The following NT5DC1 variants were observed in gnomAD, a reference collection of about 807,000 sequenced individuals.
NT5DC1 encodes the protein 5'-nucleotidase domain-containing protein 1.
A neutral mutation model predicts 59.4 loss-of-function variants in NT5DC1; 42 were observed. The ratio of observed to expected loss-of-function variants is 0.71; its 90% CI spans 0.55 to 0.92. The LOEUF (loss-of-function observed/expected upper bound fraction) is 0.92. Among genes scored for constraint, NT5DC1 ranks in the 40% least tolerant of loss-of-function variants. The probability of loss-of-function intolerance (pLI) is 0.00; values close to 1 mark genes in which losing one functional copy is unlikely to be tolerated. For missense variants in NT5DC1, 501 were observed against 537.1 expected (o/e 0.93, Z 0.66); for synonymous variants, 172 against 188.1 (o/e 0.91, Z 0.70).
intron 6 of NT5DC1, among the ~76,000 whole-genome samples, chr6:116,176,031 C>T (rs997294094): frequency 1.3e-5 from 2 of 152,146 alleles, no homozygotes; most frequent in East Asian, 1.9e-4. Flanking sequence ...ACATTAGGCA[C>T]TGAGGCAAAC....
At chr6:116,146,336 G>C (rs1779897218) in intron 6 of NT5DC1, among the ~76,000 whole-genome samples, 1 of 152,196 alleles carries the variant, frequency 6.6e-6, no homozygotes, top group African/African-American at 2.4e-5. Flanking sequence ...GTGATTTTTA[G>C]ACAGCTTGCT....
At chr6:116,125,701 C>G in intron 6 of NT5DC1, 1 of 456,362 alleles carries the variant, frequency 2.2e-6, no homozygotes, top group Non-Finnish European at 3.9e-6. Context: ...TTTTTGGAAG[C>G]TATACTCAGG....
chr6:116,180,164 G>C (rs780236867), intron 6 of NT5DC1, among the ~76,000 whole-genome samples: 1 of 151,892 alleles, frequency 6.6e-6, no homozygotes. Flanking sequence ...TTTAATTACA[G>C]AGATAGTATA....
rs11968276 is a variant in NT5DC1 at position 116,131,245 on chromosome 6, A to T, written c.529+13300A>T. On this transcript the variant is annotated intron_variant, in intron 6 of 11. Coordinates refer to ENST00000319550, the MANE Select transcript of NT5DC1 (RefSeq NM_152729.3). Reference sequence around the variant, plus strand: ...CCAATATAAGCCAGCTCCAGCAAACATTGTATATTTCTGAAGTCAAATTTA... The same window carrying T: ...CCAATATAAGCCAGCTCCAGCAAACTTTGTATATTTCTGAAGTCAAATTTA... 3.2e-3 allele frequency among the ~76,000 whole-genome samples: 491 copies of T among 152,310 alleles called. 2 individuals carry two copies. The highest frequency in any genetic ancestry group is 0.012 in the African/African-American group (480 of 41,560).
chr6:116,192,666 A>T (rs189301344), intron 6 of NT5DC1, among the ~76,000 whole-genome samples: 85 of 152,176 alleles, frequency 5.6e-4, no homozygotes, highest in Non-Finnish European at 1.5e-4. Context: ...AAACTTTGTA[A>T]CTGAATTTTG....
At chr6:116,122,791 A>ATAGGAAAATAATTGTT (rs1779172542) in intron 6 of NT5DC1, among the ~76,000 whole-genome samples, 1 of 152,230 alleles carries the variant, frequency 6.6e-6, no homozygotes, top group Non-Finnish European at 1.5e-5. Flanking sequence ...ATATGCCGAA[A>ATAGGAAAATAATTGTT]TAGGAAAATA....
Position 116,227,281 on chromosome 6 carries a change from ATGT to A in NT5DC1, c.802+4154_802+4156del, listed in dbSNP as rs75783020. Among the ~76,000 whole-genome samples, 346 of 152,278 alleles carry A rather than the reference ATGT, an allele frequency of 2.3e-3. 13 individuals are homozygous for A. In the East Asian group the frequency reaches 0.062, roughly 27 times the overall value. On this transcript the variant is annotated intron_variant, in intron 8 of 11. Transcript: ENST00000319550. Reference sequence around the variant, plus strand: ...AACATTGTGTCCTCCAGGTTCATCCATGTTGTCACAAATGACAGGATTTCTTTC... The same window carrying A: ...AACATTGTGTCCTCCAGGTTCATCCATGTCACAAATGACAGGATTTCTTTC...
At chr6:116,173,104 G>C (rs759495698) in intron 6 of NT5DC1, among the ~76,000 whole-genome samples, 6 of 152,100 alleles carry the variant, frequency 3.9e-5, no homozygotes, top group Non-Finnish European at 7.4e-5. Context: ...AATTTGTGGT[G>C]ATCCATTATG....
chr6:116,147,002 T>TAC (rs575745829), intron 6 of NT5DC1, among the ~76,000 whole-genome samples: 1 of 147,016 alleles, frequency 6.8e-6, no homozygotes, highest in Non-Finnish European at 1.5e-5. Context: ...TAATATAAAA[T>TAC]ATATATATAT....
rs542092338 is a variant in NT5DC1, at chr6:116,245,113, T to C, written c.*1089T>C. Reference sequence around the variant, plus strand: ...ACAAAAAGTTTGAGAAAAAAATGCTTTAATGGGTTTTACAGGCATGCTACA... The same window carrying C: ...ACAAAAAGTTTGAGAAAAAAATGCTCTAATGGGTTTTACAGGCATGCTACA... On this transcript the variant is annotated 3_prime_UTR_variant, in exon 12 of 12. Transcript: ENST00000319550. The C allele has an allele frequency of 6.6e-6, 1 of 152,302 alleles. No homozygotes were observed. Among genetic ancestry groups the C allele is most frequent in the South Asian group, 2.1e-4 (1 of 4,822 alleles). 9.4% of individuals were successfully genotyped at this position (152,302 alleles called of 1,614,324 possible).
At chr6:116,164,040 C>G (rs1331603930) in intron 6 of NT5DC1, among the ~76,000 whole-genome samples, 1 of 152,098 alleles carries the variant, frequency 6.6e-6, no homozygotes, top group Non-Finnish European at 1.5e-5. Context: ...AAAGAAAGTT[C>G]CATGCACAGA....
intron 6 of NT5DC1, among the ~76,000 whole-genome samples, chr6:116,123,101 ATGTT>A (rs1277503829): frequency 2.0e-5 from 3 of 152,216 alleles, no homozygotes; most frequent in Non-Finnish European, 4.4e-5. Flanking sequence ...AATGCCAACT[ATGTT>A]AGATTGAGCT....
chr6:116,201,101 G>T (rs868659361), intron 6 of NT5DC1, among the ~76,000 whole-genome samples: 3 of 151,990 alleles, frequency 2.0e-5, no homozygotes, highest in Non-Finnish European at 2.9e-5. Context: ...TTGCCCAAGA[G>T]GTACTGCACC....
rs891180462 is a variant in NT5DC1 at position 116,238,337 on chromosome 6, G to A, written c.1072G>A (p.Gly358Arg). 6 of 1,592,182 alleles carry A rather than the reference G, an allele frequency of 3.8e-6. No individual in the cohort carries two copies. Among genetic ancestry groups the A allele is most frequent in the Non-Finnish European group, 5.1e-6 (6 of 1,172,188 alleles). The change falls in exon 10 of 12, where the codon GGA becomes AGA. Residue 358 changes from glycine (G) to arginine (R), a missense_variant. Gly to Arg is a moderately radical substitution (Grantham distance 125). Transcript: ENST00000319550. ...GGAGTCAGAGCCTCTAGAGAAGAAAGGAAAATATGAGGTAAGGGTTCCCTG... is the reference window on the plus strand; with the variant it reads ...GGAGTCAGAGCCTCTAGAGAAGAAAAGAAAATATGAGGTAAGGGTTCCCTG... Reference protein sequence around the residue: ...PEESEPLEKKGKYEGPKAKPL... With the variant: ...PEESEPLEKKRKYEGPKAKPL...
At chr6:116,185,398 T>A (rs534147789) in intron 6 of NT5DC1, among the ~76,000 whole-genome samples, 2 of 152,214 alleles carry the variant, frequency 1.3e-5, no homozygotes, top group South Asian at 4.1e-4. Context: ...GGGTATAGTT[T>A]AAGTCCATTG....
At chr6:116,125,617 C>A in intron 6 of NT5DC1, 1 of 913,948 alleles carries the variant, frequency 1.1e-6, no homozygotes. Context: ...TTTAACCTAT[C>A]CTATATATTT....
intron 6 of NT5DC1, among the ~76,000 whole-genome samples, chr6:116,155,817 G>T (rs761903031): frequency 9.9e-5 from 15 of 151,318 alleles, no homozygotes; most frequent in Non-Finnish European, 1.9e-4. Context: ...CATTTCCAGG[G>T]TATATGTTTT....
At chr6:116,189,581 G>A (rs1245860258) in intron 6 of NT5DC1, among the ~76,000 whole-genome samples, 1 of 151,926 alleles carries the variant, frequency 6.6e-6, no homozygotes, top group African/African-American at 2.4e-5. Context: ...GAGACTACTG[G>A]TTCTCTATAG....
chr6:116,178,106 CGTGCGTGTGTGT>C (rs1780790657), intron 6 of NT5DC1, among the ~76,000 whole-genome samples: 3 of 130,740 alleles, frequency 2.3e-5, no homozygotes, highest in South Asian at 2.7e-4. Flanking sequence ...CGCGCGCGTG[CGTGCGTGTGTGT>C]GTGTGTGTGT....
Sources: gnomAD v4.1 joint callset for allele counts (sites outside exome capture counted in the v4.1 genomes callset) on GRCh38, gnomAD v4.1.1 for gene constraint, MANE v1.5 for transcripts, NCBI Gene and HGNC (gene_info 2026-07-23, HGNC 2026-07-21) for gene names.